Variants in ARMC2 observed in about 807,000 individuals in gnomAD.
ARMC2 encodes armadillo repeat containing 2.
A neutral mutation model predicts 90.3 loss-of-function variants in ARMC2; 67 were observed. The ratio of observed to expected loss-of-function variants is 0.74; its 90% CI spans 0.61 to 0.91. The LOEUF is 0.91. ARMC2 is among the 40% of genes least tolerant of loss of function. ARMC2 has a pLI of 0.00. For missense variants in ARMC2, 920 were observed against 1,030.9 expected, an observed-to-expected ratio of 0.89 and a Z score of 1.47; for synonymous variants, 393 against 393.0, an observed-to-expected ratio of 1.00 and a Z score of 0.00.
the ARMC2 span, among the ~76,000 whole-genome samples, chr6:109,018,902 C>T: frequency 6.6e-6 from 1 of 152,104 alleles, no homozygotes; most frequent in Non-Finnish European, 1.5e-5. Context: ...CAAAAACCCA[C>T]AAAAGCACTT....
intron 17 of ARMC2, among the ~76,000 whole-genome samples, chr6:108,970,435 A>G (rs1303715685): frequency 6.6e-6 from 1 of 152,020 alleles, no homozygotes; most frequent in Non-Finnish European, 1.5e-5. Context: ...CAGCTTGGGA[A>G]AGAAGGGCTT....
Position 108,928,231 on chromosome 6 carries a change from C to T in ARMC2, c.1494C>T (p.Phe498=). The part of the protein sequence containing the change: ...KDVCTNIARI[F]SKLTSYRDCC... ...TCTGTACCAATATTGCCAGAATATT[C>T]AGGTAGGTAGACTAAGACGTGAAGT... The change falls in exon 11 of 18, where the codon TTC becomes TTT. Residue 498 remains phenylalanine (F), a splice_region_variant and synonymous_variant. Coordinates refer to ENST00000392644, the MANE Select transcript of ARMC2 (RefSeq NM_032131.6). 1 of 1,522,286 alleles carries T rather than the reference C, an allele frequency of 6.6e-7. No individual in the cohort carries two copies. Among genetic ancestry groups the T allele is most frequent in the Non-Finnish European group, 8.8e-7 (1 of 1,134,526 alleles). 94.3% of individuals were successfully genotyped at this position (1,522,286 alleles called of 1,614,324 possible). A position where few individuals can be genotyped will look rare whatever the true frequency, so the allele number is the denominator to read the frequency against.
the ARMC2 span, among the ~76,000 whole-genome samples, chr6:109,042,905 A>C: frequency 6.6e-6 from 1 of 152,138 alleles, no homozygotes; most frequent in African/African-American, 2.4e-5. Context: ...ATACAAAAAA[A>C]GAAAAATACA....
At chr6:108,859,310 C>G (rs1774972948) in intron 3 of ARMC2, among the ~76,000 whole-genome samples, 1 of 152,076 alleles carries the variant, frequency 6.6e-6, no homozygotes, top group African/African-American at 2.4e-5. Flanking sequence ...CCCTCACCAT[C>G]CTCCTGGGGA....
the ARMC2 span, among the ~76,000 whole-genome samples, chr6:109,039,229 G>A: frequency 6.6e-6 from 1 of 152,164 alleles, no homozygotes; most frequent in Non-Finnish European, 1.5e-5. Context: ...ACTATAGAGG[G>A]TAGGGAAGAC....
chr6:108,894,681 A>G, intron 6 of ARMC2, 138 bp downstream of exon 6: 2 of 668,030 alleles, frequency 3.0e-6, no homozygotes, highest in Non-Finnish European at 4.7e-6. Flanking sequence ...TTATTTTTAT[A>G]CATTTTTATT....
the ARMC2 span, among the ~76,000 whole-genome samples, chr6:108,982,457 G>A: frequency 6.6e-6 from 1 of 152,182 alleles, no homozygotes; most frequent in Non-Finnish European, 1.5e-5. Flanking sequence ...TTCAACATGT[G>A]AATTTTGGGG....
chr6:109,033,110 A>T, the ARMC2 span, among the ~76,000 whole-genome samples: 1 of 152,122 alleles, frequency 6.6e-6, no homozygotes, highest in South Asian at 2.1e-4. Flanking sequence ...AAAATGTTGC[A>T]AGCAGGGAGA....
At position 108,854,417 on chromosome 6, in the gene ARMC2, G is replaced by A. The variant is rs774089647; in HGVS notation, c.150G>A (p.Glu50=). ...CCCAAAGACCATTTACACCACAGGA[G>A]GCTCAAAGAAAACTATTCGGACCTG... The part of the protein sequence containing the change: ...VRTQRPFTPQ[E]AQRKLFGPAS... The change falls in exon 2 of 18, where the codon GAG becomes GAA. Residue 50 remains glutamate (E), a synonymous_variant. Coordinates refer to ENST00000392644, the MANE Select transcript of ARMC2 (RefSeq NM_032131.6). 3 of 1,613,318 alleles carry A rather than the reference G, an allele frequency of 1.9e-6. No homozygotes were observed. Among genetic ancestry groups the A allele is most frequent in the Non-Finnish European group, 2.5e-6 (3 of 1,179,790 alleles).
chr6:108,904,576 T>A (rs542877021), intron 8 of ARMC2, among the ~76,000 whole-genome samples, 171 bp downstream of exon 8: 20 of 150,724 alleles, frequency 1.3e-4, no homozygotes, highest in African/African-American at 4.9e-4. Flanking sequence ...GGAAATATTA[T>A]CTAAGGAACT....
intron 5 of ARMC2, among the ~76,000 whole-genome samples, chr6:108,885,556 C>T (rs1237041306): frequency 3.3e-5 from 5 of 151,730 alleles, no homozygotes; most frequent in Non-Finnish European, 7.4e-5. Context: ...CAGGTGTAGT[C>T]CCGGCTACTT....
At chr6:109,026,943 A>G in the ARMC2 span, among the ~76,000 whole-genome samples, 142,795 of 152,170 alleles carry the variant, frequency 0.94, 67,644 homozygotes, top group East Asian at 1. Flanking sequence ...GGAGCCCAGG[A>G]TGGATCACTT....
At chr6:108,984,042 A>T in the ARMC2 span, among the ~76,000 whole-genome samples, 1 of 152,096 alleles carries the variant, frequency 6.6e-6, no homozygotes, top group Non-Finnish European at 1.5e-5. Context: ...TTTTCATAGG[A>T]GCTTGACCCT....
chr6:109,000,616 G>A, the ARMC2 span: 29 of 1,611,604 alleles, frequency 1.8e-5, no homozygotes, highest in Non-Finnish European at 2.3e-5. Context: ...CCACCAACAT[G>A]AAGGAAATCA....
At chr6:108,988,757 C>T in the ARMC2 span, 2 of 1,255,420 alleles carry the variant, frequency 1.6e-6, no homozygotes, top group African/African-American at 1.5e-5. Flanking sequence ...CAAAAGTATA[C>T]ACATCAATAG....
At chr6:108,915,144 C>T (rs1283161807) in intron 10 of ARMC2, among the ~76,000 whole-genome samples, 1 of 151,944 alleles carries the variant, frequency 6.6e-6, no homozygotes. Flanking sequence ...TTAGTAGAGA[C>T]AGGGTTTCAC....
chr6:108,875,947 G>C lies in ARMC2; in HGVS notation c.464-196G>C, dbSNP rs75499803. Among the ~76,000 whole-genome samples the C allele has an allele frequency of 4.2e-3, 637 of 152,294 alleles. 3 individuals are homozygous for C. Among genetic ancestry groups the C allele is most frequent in the African/African-American group, 0.014 (597 of 41,562 alleles). On this transcript the variant is annotated intron_variant, in intron 4 of 17. Coordinates refer to ENST00000392644, the MANE Select transcript of ARMC2 (RefSeq NM_032131.6). ...AAGATTCTATACATTTTTACCTGCA[G>C]AATTGATGGTGCCAGACTTAAGATA...
intron 9 of ARMC2, 127 bp from the exon 10 acceptor site, chr6:108,912,208 G>A (rs1350448493): frequency 7.2e-6 from 5 of 698,334 alleles, no homozygotes; most frequent in Non-Finnish European, 1.1e-5. Context: ...CTCTTAACAA[G>A]CACTTGAATG....
At chr6:109,025,483 C>A in the ARMC2 span, among the ~76,000 whole-genome samples, 1 of 149,956 alleles carries the variant, frequency 6.7e-6, no homozygotes, top group African/African-American at 2.5e-5. Flanking sequence ...CTACAGGAAA[C>A]AATAATCACC....
Sources: allele counts gnomAD v4.1 joint callset (sites outside exome capture counted in the v4.1 genomes callset), GRCh38; gene constraint gnomAD v4.1.1; transcripts MANE v1.5; gene names NCBI Gene and HGNC (gene_info 2026-07-23, HGNC 2026-07-21).